NXPH1: variants seen among roughly 807,000 people sequenced by gnomAD.
NXPH1 encodes neurexophilin-1.
NXPH1 carries 5 observed loss-of-function variants against 23.7 expected under a neutral mutation model. The observed-to-expected ratio is 0.21, with a 90% CI of 0.11 to 0.44. The LOEUF is 0.44. Ranked by LOEUF, NXPH1 falls within the 20% of genes least tolerant of loss-of-function variation. The probability of loss-of-function intolerance (pLI) is 0.99; values close to 1 mark genes in which losing one functional copy is unlikely to be tolerated. For synonymous variants in NXPH1, 144 were observed against 122.2 expected, an observed-to-expected ratio of 1.18 and a Z score of -1.18; for missense variants, 324 against 321.6, an observed-to-expected ratio of 1.01 and a Z score of -0.06.
intron 2 of NXPH1, among the ~76,000 whole-genome samples, chr7:8,710,625 C>T (rs1779773302): frequency 7.2e-6 from 1 of 138,790 alleles, no homozygotes; most frequent in Non-Finnish European, 1.5e-5. Context: ...TTGAACAAAG[C>T]ATGTCAACTG....
At chr7:8,577,198 A>G (rs1328836725) in intron 2 of NXPH1, among the ~76,000 whole-genome samples, 1 of 152,158 alleles carries the variant, frequency 6.6e-6, no homozygotes, top group African/African-American at 2.4e-5. Context: ...GATAATGCAA[A>G]AAAGATTGAC....
intron 2 of NXPH1, among the ~76,000 whole-genome samples, chr7:8,605,954 A>G (rs1252780489): frequency 6.6e-6 from 1 of 152,244 alleles, no homozygotes; most frequent in East Asian, 1.9e-4. Context: ...AATGAGGCCA[A>G]CATTTTTTCC....
Position 8,435,734 on chromosome 7 carries a change from C to T in NXPH1, c.21C>T (p.Tyr7=), listed in dbSNP as rs1350729398. Residue 7 remains tyrosine (Y), a synonymous_variant, in exon 2 of 3, where the codon TAC becomes TAT. Coordinates refer to ENST00000405863, the MANE Select transcript of NXPH1 (RefSeq NM_152745.3). This position sits in a 1 kb window ranked among gnomAD's most constrained non-coding sequence, Gnocchi z 5.9. The part of the protein sequence containing the change: MQAACW[Y]VLFLLQPTVY... ...GGAGAATGCAGGCTGCGTGCTGGTACGTGCTTTTCCTCCTGCAGCCCACCG... is the reference window on the plus strand; with the variant it reads ...GGAGAATGCAGGCTGCGTGCTGGTATGTGCTTTTCCTCCTGCAGCCCACCG... The T allele has an allele frequency of 9.9e-6, 16 of 1,613,850 alleles. No homozygotes were observed. The highest frequency in any genetic ancestry group is 1.2e-5 in the Non-Finnish European group (14 of 1,179,878).
intron 2 of NXPH1, among the ~76,000 whole-genome samples, chr7:8,532,720 C>T (rs73050607): frequency 0.015 from 2,355 of 152,146 alleles, 22 homozygotes; most frequent in Middle Eastern, 0.037. Flanking sequence ...CAGACCGTAG[C>T]GTCATTTGCG....
intron 2 of NXPH1, among the ~76,000 whole-genome samples, chr7:8,589,059 C>G (rs1450020428): frequency 6.6e-6 from 1 of 152,108 alleles, no homozygotes; most frequent in Non-Finnish European, 1.5e-5. Context: ...GGATTCAAAA[C>G]AGCTTTCTGG....
chr7:8,494,845 A>T (rs1020354893), intron 2 of NXPH1, among the ~76,000 whole-genome samples: 10 of 152,054 alleles, frequency 6.6e-5, no homozygotes, highest in African/African-American at 2.2e-4. Context: ...AGAGTAATAG[A>T]TTGTGGTGGT....
intron 2 of NXPH1, among the ~76,000 whole-genome samples, chr7:8,664,994 C>G (rs1438623990): frequency 1.3e-5 from 2 of 151,742 alleles, no homozygotes; most frequent in Admixed American, 6.6e-5. Flanking sequence ...TCTGTCAATT[C>G]TTTCCTTTGC....
At chr7:8,719,059 G>A (rs1408618576) in intron 2 of NXPH1, among the ~76,000 whole-genome samples, 2 of 152,152 alleles carry the variant, frequency 1.3e-5, no homozygotes, top group Non-Finnish European at 2.9e-5. Context: ...TAAAAATATG[G>A]GTGGAGAGAA....
At chr7:8,512,709 G>T (rs1817630765) in intron 2 of NXPH1, among the ~76,000 whole-genome samples, 1 of 152,006 alleles carries the variant, frequency 6.6e-6, no homozygotes, top group Non-Finnish European at 1.5e-5. Flanking sequence ...TCTTACTAAC[G>T]GTAACAAATA....
At chr7:8,694,298 C>T (rs949678194) in intron 2 of NXPH1, among the ~76,000 whole-genome samples, 1 of 152,136 alleles carries the variant, frequency 6.6e-6, no homozygotes, top group Non-Finnish European at 1.5e-5. Context: ...TTGAGTTGTC[C>T]CTTGACACCC....
rs140214172 is a variant in NXPH1 at position 8,594,658 on chromosome 7, T to A, written c.55-156350T>A. On this transcript the variant is annotated intron_variant, in intron 2 of 2. Transcript: ENST00000405863. ...GGACTTGGGGGGAAGAGAAATGAGT[T>A]TTGTCTGGCCTCGGTGGAACCTTCT... 5.0e-3 allele frequency among the ~76,000 whole-genome samples: 755 copies of A among 152,002 alleles called. 4 individuals carry two copies. Among genetic ancestry groups the A allele is most frequent in the Non-Finnish European group, 8.2e-3 (558 of 67,920 alleles).
intron 2 of NXPH1, among the ~76,000 whole-genome samples, chr7:8,634,711 A>C (rs1820192278): frequency 8.0e-6 from 1 of 124,946 alleles, no homozygotes; most frequent in Non-Finnish European, 1.6e-5. Context: ...GAGCAGCCTC[A>C]CTTCACCATG....
At chr7:8,583,068 G>A (rs1019845291) in intron 2 of NXPH1, among the ~76,000 whole-genome samples, 2 of 152,018 alleles carry the variant, frequency 1.3e-5, no homozygotes, top group African/African-American at 4.8e-5. Context: ...ACTTGGCCGG[G>A]TTGTGACAGT....
At chr7:8,515,009 G>A (rs1168295319) in intron 2 of NXPH1, among the ~76,000 whole-genome samples, 2 of 152,100 alleles carry the variant, frequency 1.3e-5, no homozygotes, top group Non-Finnish European at 2.9e-5. Flanking sequence ...AAGAACATTA[G>A]AATAAACAGA....
At chr7:8,630,559 G>A (rs890488288) in intron 2 of NXPH1, among the ~76,000 whole-genome samples, 1 of 152,084 alleles carries the variant, frequency 6.6e-6, no homozygotes, top group Non-Finnish European at 1.5e-5. Flanking sequence ...AAGCATATAC[G>A]TAATAAAATC....
At chr7:8,645,556 C>G (rs745883175) in intron 2 of NXPH1, among the ~76,000 whole-genome samples, 2 of 151,696 alleles carry the variant, frequency 1.3e-5, no homozygotes, top group Middle Eastern at 6.8e-3. Flanking sequence ...AGGTATCAAC[C>G]CTTTTTTGAT....
chr7:8,520,108 C>A (rs867401287), intron 2 of NXPH1, among the ~76,000 whole-genome samples: 6 of 151,994 alleles, frequency 3.9e-5, no homozygotes, highest in Non-Finnish European at 8.8e-5. Flanking sequence ...ATGAGAAATA[C>A]GGATTGAAAA....
intron 2 of NXPH1, among the ~76,000 whole-genome samples, chr7:8,491,923 A>C (rs1817254016): frequency 6.6e-6 from 1 of 151,998 alleles, no homozygotes; most frequent in Admixed American, 6.6e-5. Context: ...ATCAATGAGG[A>C]CTGAAGCTTT....
chr7:8,614,837 G>T (rs933800673), intron 2 of NXPH1, among the ~76,000 whole-genome samples: 1 of 151,948 alleles, frequency 6.6e-6, no homozygotes, highest in African/African-American at 2.4e-5. Flanking sequence ...TTCATTTTGT[G>T]GCAGTTATTG....
Sources: gnomAD v4.1 joint callset for allele counts (sites outside exome capture counted in the v4.1 genomes callset) on GRCh38, gnomAD v4.1.1 for gene constraint, Gnocchi (gnomAD v3.1) non-coding constraint, MANE v1.5 for transcripts, NCBI Gene and HGNC (gene_info 2026-07-23, HGNC 2026-07-21) for gene names.